The following OR4F15 variants were observed in gnomAD, a reference collection of about 807,000 sequenced individuals.
The protein encoded by OR4F15 is olfactory receptor 4F15.
OR4F15 carries 7 observed loss-of-function variants against 11.9 expected under a neutral mutation model. The observed-to-expected ratio is 0.59, with a 90% CI of 0.33 to 1.10. OR4F15 has a LOEUF of 1.10. OR4F15 is among the 50% of genes least tolerant of loss of function. The probability of loss-of-function intolerance (pLI) is 0.03; values close to 1 mark genes in which losing one functional copy is unlikely to be tolerated. For synonymous variants in OR4F15, 151 were observed against 134.6 expected (o/e 1.12, Z -0.84); for missense variants, 445 against 377.5 (o/e 1.18, Z -1.48).
At position 101,820,054 on chromosome 15, in the gene OR4F15, C is replaced by A. The variant is rs1903078842; in HGVS notation, c.*929C>A. ...AAGAATTGAGCAGTGACTAGTTTGC[C>A]CAAAGGCACATAGCTGGAAACCATC... On this transcript the variant is annotated 3_prime_UTR_variant, in exon 2 of 2. Transcript: ENST00000332238. The A allele has an allele frequency of 1.3e-5, 2 of 152,202 alleles. No homozygotes were observed. The highest frequency in any genetic ancestry group is 4.1e-4 in the South Asian group (2 of 4,822). The allele number at this position is 152,202 out of a possible 1,614,324, so 9.4% of individuals were successfully genotyped here.
Position 101,818,385 on chromosome 15 carries a change from T to A in OR4F15, c.199T>A (p.Ser67Thr). ...SPMYFLLANL[S>T]IIDMAFCSIT... ...CATGTATTTCCTCCTGGCTAACCTC[T>A]CAATCATTGATATGGCATTTTGCTC... is the stretch of plus-strand genomic sequence containing the variant. Residue 67 changes from serine (S) to threonine (T), a missense_variant, in exon 2 of 2, where the codon TCA becomes ACA. Physicochemically the swap from Ser to Thr is moderately conservative, Grantham distance 58. Transcript: ENST00000332238. The A allele has an allele frequency of 1.2e-6, 2 of 1,614,136 alleles. No homozygotes were observed. Among genetic ancestry groups the A allele is most frequent in the Non-Finnish European group, 1.7e-6 (2 of 1,179,968 alleles).
At chr15:101,814,697 CT>C (rs1305121118) in intron 1 of OR4F15, among the ~76,000 whole-genome samples, 2 of 152,052 alleles carry the variant, frequency 1.3e-5, no homozygotes, top group East Asian at 1.9e-4. Context: ...TTCCCCTTTT[CT>C]TTTTTTCTCA....
At chr15:101,815,862 C>T (rs1299311964) in intron 1 of OR4F15, among the ~76,000 whole-genome samples, 1 of 152,046 alleles carries the variant, frequency 6.6e-6, no homozygotes, top group Non-Finnish European at 1.5e-5. Context: ...TCATTGTTTC[C>T]TTATTGATAG....
chr15:101,816,091 T>C (rs1294479528), intron 1 of OR4F15, among the ~76,000 whole-genome samples: 2 of 152,120 alleles, frequency 1.3e-5, no homozygotes, highest in African/African-American at 4.8e-5. Context: ...CTGTGCTGTA[T>C]AGAATAATGG....
chr15:101,817,513 G>T (rs909167685), intron 1 of OR4F15, among the ~76,000 whole-genome samples: 2 of 152,078 alleles, frequency 1.3e-5, no homozygotes, highest in East Asian at 1.9e-4. Context: ...TTGGAGAAAT[G>T]GACATTTATA....
Position 101,818,734 on chromosome 15 carries a change from G to T in OR4F15, c.548G>T (p.Arg183Leu), listed in dbSNP as rs140140871. The T allele has an allele frequency of 1.2e-6, 2 of 1,613,978 alleles. No homozygotes were observed. Among genetic ancestry groups the T allele is most frequent in the East Asian group, 2.2e-5 (1 of 44,864 alleles). ...IFDSFYCDLP[R>L]LLRLACTNTQ... ...GACAGTTTTTACTGTGATCTCCCTCGGCTCCTCAGACTTGCCTGTACCAAC... is the reference window on the plus strand; with the variant it reads ...GACAGTTTTTACTGTGATCTCCCTCTGCTCCTCAGACTTGCCTGTACCAAC... The change falls in exon 2 of 2, where the codon CGG (arginine) becomes CTG (leucine). Residue 183 changes from arginine (R) to leucine (L), a missense_variant. By Grantham distance (102) the Arg-to-Leu change is moderately radical. Transcript: ENST00000332238.
Position 101,818,682 on chromosome 15 carries a change from T to G in OR4F15, c.496T>G (p.Leu166Val), listed in dbSNP as rs1349988530. The change falls in exon 2 of 2, where the codon TTA becomes GTA. Residue 166 changes from leucine (L) to valine (V), a missense_variant. Transcript: ENST00000332238. ...GGTCCAATTAGTTTTTGTGGTAGAT[T>G]TACCTTTTTGTGGTCCTAATATCTT... is the stretch of plus-strand genomic sequence containing the variant. ...SLVQLVFVVD[L>V]PFCGPNIFDS... 11 of 1,614,034 alleles carry G rather than the reference T, an allele frequency of 6.8e-6. No homozygotes were observed. Among genetic ancestry groups the G allele is most frequent in the Non-Finnish European group, 8.5e-6 (10 of 1,180,032 alleles).
At chr15:101,813,209 A>C (rs1473545496) in intron 1 of OR4F15, among the ~76,000 whole-genome samples, 2 of 152,174 alleles carry the variant, frequency 1.3e-5, no homozygotes, top group African/African-American at 4.8e-5. Context: ...CTTTTATGTT[A>C]ATGAGAAGCA....
At chr15:101,818,119 T>C in intron 1 of OR4F15, 31 bp from the exon 2 acceptor site, 1 of 1,002,720 alleles carries the variant, frequency 1.0e-6, no homozygotes, top group Non-Finnish European at 1.5e-6. Flanking sequence ...CTTGCCTAGG[T>C]AATTCTTTCT....
Position 101,818,913 on chromosome 15 carries a change from C to G in OR4F15, c.727C>G (p.His243Asp). 6.2e-7 allele frequency: 1 copy of G among 1,614,144 alleles called. No individual in the cohort carries two copies. The highest frequency in any genetic ancestry group is 1.1e-5 in the South Asian group (1 of 91,070). Residue 243 changes from histidine to aspartate, a missense_variant, in exon 2 of 2, where the codon CAT becomes GAT. By Grantham distance (81) the His-to-Asp change is moderately conservative. Coordinates refer to ENST00000332238, the MANE Select transcript of OR4F15 (RefSeq NM_001001674.2). Reference protein sequence around the residue: ...LAKALSTLSAHVTVVILFFGP... With the variant: ...LAKALSTLSADVTVVILFFGP... ...CAAGGCCCTCTCTACCCTGTCAGCT[C>G]ATGTCACTGTGGTCATCTTGTTCTT...
intron 1 of OR4F15, 54 bp from the exon 2 acceptor site, chr15:101,818,096 T>C (rs1903022021): frequency 3.5e-6 from 3 of 859,544 alleles, no homozygotes; most frequent in East Asian, 4.8e-5. Context: ...GCTTTCTTTC[T>C]TGAACATGAA....
At chr15:101,812,856 G>A (rs1237384554) in intron 1 of OR4F15, among the ~76,000 whole-genome samples, 2 of 152,158 alleles carry the variant, frequency 1.3e-5, no homozygotes, top group Non-Finnish European at 2.9e-5. Context: ...TTAACAACCT[G>A]CAATAAATCC....
intron 1 of OR4F15, among the ~76,000 whole-genome samples, chr15:101,815,608 C>T (rs533055332): frequency 1.4e-3 from 207 of 152,148 alleles, no homozygotes; most frequent in Non-Finnish European, 2.6e-3. Flanking sequence ...ATGTTCTTAC[C>T]CTTTCTGTAG....
Position 101,819,672 on chromosome 15 carries a change from C to G in OR4F15, c.*547C>G. 1 of 152,456 alleles carries G rather than the reference C, an allele frequency of 6.6e-6. No homozygotes were observed. The highest frequency in any genetic ancestry group is 1.9e-4 in the East Asian group (1 of 5,204). 9.4% of individuals were successfully genotyped at this position (152,456 alleles called of 1,614,324 possible). A position where few individuals can be genotyped will look rare whatever the true frequency, so the allele number is the denominator to read the frequency against. ...GGGATTACAGGCGCCCATCACAACC[C>G]CTGGCTAATTTTTGTATTTTTAGTA... On this transcript the variant is annotated 3_prime_UTR_variant, in exon 2 of 2. Transcript: ENST00000332238.
chr15:101,816,887 A>G (rs1387250103), intron 1 of OR4F15, among the ~76,000 whole-genome samples: 2 of 152,148 alleles, frequency 1.3e-5, no homozygotes, highest in East Asian at 3.9e-4. Flanking sequence ...ATCTTCTTCC[A>G]GAGTGCAGAT....
intron 1 of OR4F15, among the ~76,000 whole-genome samples, chr15:101,815,085 C>T (rs965479918): frequency 6.6e-6 from 1 of 152,064 alleles, no homozygotes; most frequent in African/African-American, 2.4e-5. Context: ...CATTTCTAGA[C>T]AAGTGTTTGT....
chr15:101,817,504 T>C (rs933240939), intron 1 of OR4F15, among the ~76,000 whole-genome samples: 1 of 152,148 alleles, frequency 6.6e-6, no homozygotes, highest in African/African-American at 2.4e-5. Context: ...ACATTTTAAT[T>C]GGAGAAATGG....
rs1013052617 is a variant in OR4F15 at position 101,817,371 on chromosome 15, G to A, written c.-37-779G>A. ...TCATTCTTCAGTCTCATTAATTTAC[G>A]CCTTCATTCAACAAGTGTGAAACAC... On this transcript the variant is annotated intron_variant, in intron 1 of 1. Coordinates refer to ENST00000332238, the MANE Select transcript of OR4F15 (RefSeq NM_001001674.2). Among the ~76,000 whole-genome samples, 8 of 152,168 alleles carry A rather than the reference G, an allele frequency of 5.3e-5. No homozygotes were observed. The East Asian group carries it at 5.8e-4, about 11-fold the overall frequency.
At chr15:101,814,966 C>T (rs905425559) in intron 1 of OR4F15, among the ~76,000 whole-genome samples, 1 of 152,150 alleles carries the variant, frequency 6.6e-6, no homozygotes. Context: ...ATTTCTACTT[C>T]ACAGCATATT....
Sources: allele counts gnomAD v4.1 joint callset (sites outside exome capture counted in the v4.1 genomes callset), GRCh38; gene constraint gnomAD v4.1.1; transcripts MANE v1.5; gene names NCBI Gene and HGNC (gene_info 2026-07-23, HGNC 2026-07-21).